The following ARHGEF9 variants were observed in gnomAD, a reference collection of about 807,000 sequenced individuals.
ARHGEF9 encodes Cdc42 guanine nucleotide exchange factor 9, also known as rho guanine nucleotide exchange factor 9.
Under a neutral mutation model 41.3 loss-of-function variants are expected in ARHGEF9, and 2 were observed. The ratio of observed to expected loss-of-function variants is 0.05; its 90% CI spans 0.02 to 0.15. ARHGEF9 has a LOEUF of 0.15. Among genes scored for constraint, ARHGEF9 ranks in the 10% least tolerant of loss-of-function variants. The pLI, the probability that ARHGEF9 is intolerant of heterozygous loss-of-function variation, is 1.00. For synonymous variants in ARHGEF9, 160 were observed against 154.4 expected (o/e 1.04, Z -0.27); for missense variants, 225 against 424.7 (o/e 0.53, Z 4.13).
chrX:63,720,349 G>C (rs1397101655), intron 2 of ARHGEF9, among the ~76,000 whole-genome samples: 1 of 111,748 alleles, frequency 8.9e-6, no homozygotes, highest in Non-Finnish European at 1.9e-5. Flanking sequence ...AAAATAGTTG[G>C]AAAAAGTCAC....
At chrX:63,656,220 G>T (rs781861259) in intron 7 of ARHGEF9, among the ~76,000 whole-genome samples, 3 of 111,183 alleles carry the variant, frequency 2.7e-5, no homozygotes, top group South Asian at 3.8e-4. Flanking sequence ...GATTACCTAG[G>T]GGGGGTCTAA....
At chrX:63,670,578 C>G (rs1316106634) in intron 6 of ARHGEF9, among the ~76,000 whole-genome samples, 1 of 111,197 alleles carries the variant, frequency 9.0e-6, no homozygotes, top group Non-Finnish European at 1.9e-5. Flanking sequence ...GGATATGTTA[C>G]CTTTCCCTTG....
chrX:63,712,064 T>C (rs1276768128), intron 2 of ARHGEF9, among the ~76,000 whole-genome samples: 1 of 111,688 alleles, frequency 9.0e-6, no homozygotes, highest in East Asian at 2.8e-4. Context: ...ACCAAAACCA[T>C]AAAAAGATAC....
At chrX:63,703,212 T>G (rs1569479962) in intron 3 of ARHGEF9, 2 of 111,964 alleles carry the variant, frequency 1.8e-5, no homozygotes, top group African/African-American at 6.5e-5. Context: ...ACCAGCAAAT[T>G]GTCAACAAAA....
intron 4 of ARHGEF9, among the ~76,000 whole-genome samples, chrX:63,685,310 G>A (rs1556374257): frequency 9.0e-5 from 10 of 110,819 alleles, no homozygotes. Context: ...AATCCTGGGA[G>A]AAATCACAAA....
At chrX:63,675,996 A>G (rs782005266) in intron 5 of ARHGEF9, among the ~76,000 whole-genome samples, 2 of 112,305 alleles carry the variant, frequency 1.8e-5, no homozygotes, top group Non-Finnish European at 3.8e-5. Flanking sequence ...GAAGGAGAAA[A>G]AAATAGATGT....
chrX:63,773,471 A>C (rs2056237176), intron 1 of ARHGEF9, among the ~76,000 whole-genome samples: 1 of 111,542 alleles, frequency 9.0e-6, no homozygotes, highest in Admixed American at 9.6e-5. Flanking sequence ...AATAATAATT[A>C]CTCCCCACAC....
chrX:63,649,383 G>C (rs1303549093), intron 8 of ARHGEF9, among the ~76,000 whole-genome samples: 1 of 110,315 alleles, frequency 9.1e-6, no homozygotes, highest in Non-Finnish European at 1.9e-5. Flanking sequence ...GATGTTCTTT[G>C]AAACCAATGA....
intron 1 of ARHGEF9, among the ~76,000 whole-genome samples, chrX:63,771,185 T>G (rs782727621): frequency 8.9e-6 from 1 of 112,110 alleles, no homozygotes; most frequent in Non-Finnish European, 1.9e-5. Flanking sequence ...GAAGGTACTT[T>G]GAAAATATGA....
intron 8 of ARHGEF9, among the ~76,000 whole-genome samples, chrX:63,649,915 TAAAC>T (rs1413309522): frequency 9.0e-6 from 1 of 111,253 alleles, no homozygotes; most frequent in Non-Finnish European, 1.9e-5. Context: ...AAAATCAAAA[TAAAC>T]AAAGTAAGTA....
chrX:63,711,942 C>T (rs782523625), intron 2 of ARHGEF9, among the ~76,000 whole-genome samples: 2 of 112,160 alleles, frequency 1.8e-5, no homozygotes, highest in Admixed American at 9.4e-5. Context: ...AGTAACAACT[C>T]GCTTAAAAAT....
At chrX:63,706,531 GA>G in intron 2 of ARHGEF9, 82 bp from the exon 3 acceptor site, 1 of 1,033,032 alleles carries the variant, frequency 9.7e-7, no homozygotes, top group Admixed American at 2.6e-5. Context: ...AGGATGAACT[GA>G]ACTTCTCAGG....
chrX:63,779,689 C>T lies in ARHGEF9; in HGVS notation c.30+5427G>A, dbSNP rs376658585. On this transcript the variant is annotated intron_variant, in intron 1 of 9. Coordinates refer to ENST00000671741, the MANE Select transcript of ARHGEF9 (RefSeq NM_001353921.2). Reference sequence around the variant, plus strand: ...TAGGATATGTCAGGTGTTTATTGAACCTTCACAAGATTGATAGCAGCATTT... The same window carrying T: ...TAGGATATGTCAGGTGTTTATTGAATCTTCACAAGATTGATAGCAGCATTT... Among the ~76,000 whole-genome samples, 3 of 111,743 alleles carry T rather than the reference C, an allele frequency of 2.7e-5. No individual in the cohort carries two copies. In the East Asian group the frequency reaches 8.4e-4, roughly 31 times the overall value.
chrX:63,641,467 T>C (rs1220377323), intron 9 of ARHGEF9: 2 of 111,120 alleles, frequency 1.8e-5, no homozygotes, highest in African/African-American at 6.5e-5. Flanking sequence ...ATTTAGACAC[T>C]GGGAGACAAG....
chrX:63,687,042 G>C (rs1470775777), intron 4 of ARHGEF9, among the ~76,000 whole-genome samples: 1 of 106,200 alleles, frequency 9.4e-6, no homozygotes, highest in East Asian at 3.0e-4. Context: ...CCCAAAGGCA[G>C]CTAGAGTTAG....
intron 4 of ARHGEF9, among the ~76,000 whole-genome samples, chrX:63,693,647 ATAAG>A (rs2051516960): frequency 9.2e-6 from 1 of 108,952 alleles, no homozygotes; most frequent in Non-Finnish European, 1.9e-5. Flanking sequence ...TACCCCATAA[ATAAG>A]TAAATTACAT....
intron 4 of ARHGEF9, among the ~76,000 whole-genome samples, chrX:63,687,318 G>A (rs1166936829): frequency 2.7e-5 from 3 of 111,552 alleles, no homozygotes; most frequent in African/African-American, 9.8e-5. Context: ...ATCTAGTGTT[G>A]AAAAGGAGGC....
intron 9 of ARHGEF9, among the ~76,000 whole-genome samples, chrX:63,638,942 T>C (rs576006415): frequency 8.9e-6 from 1 of 112,052 alleles, no homozygotes; most frequent in African/African-American, 3.2e-5. Flanking sequence ...TTCTCAACAT[T>C]TGTAGGTAGG....
chrX:63,745,158 T>G (rs2147744132), intron 1 of ARHGEF9, among the ~76,000 whole-genome samples: 1 of 110,393 alleles, frequency 9.1e-6, no homozygotes, highest in African/African-American at 3.3e-5. Context: ...TGCAGCCAGC[T>G]GGGCACGGAG....
Sources: allele counts gnomAD v4.1 joint callset (sites outside exome capture counted in the v4.1 genomes callset), GRCh38; gene constraint gnomAD v4.1.1; transcripts MANE v1.5; gene names NCBI Gene and HGNC (gene_info 2026-07-23, HGNC 2026-07-21).